Variants in DIAPH3 observed in about 807,000 individuals in gnomAD.
DIAPH3 encodes protein diaphanous homolog 3.
DIAPH3 carries 117 observed loss-of-function variants against 144.3 expected under a neutral mutation model. The observed-to-expected ratio is 0.81, with a 90% CI of 0.70 to 0.95. The LOEUF (loss-of-function observed/expected upper bound fraction) is 0.95, where lower values mean the gene tolerates loss of function less well. Ranked by LOEUF, DIAPH3 falls within the 40% of genes least tolerant of loss-of-function variation. The probability of loss-of-function intolerance (pLI) is 0.00; values close to 1 mark genes in which losing one functional copy is unlikely to be tolerated. For synonymous variants in DIAPH3, 519 were observed against 488.9 expected, an observed-to-expected ratio of 1.06 and a Z score of -0.81; for missense variants, 1,421 against 1,412.7, an observed-to-expected ratio of 1.01 and a Z score of -0.09.
rs200189161 is a variant in DIAPH3 at position 59,810,826 on chromosome 13, C to T, written c.3125G>A (p.Arg1042His). 2.0e-4 allele frequency: 315 copies of T among 1,613,536 alleles called. No homozygotes were observed. The highest frequency in any genetic ancestry group is 2.3e-4 in the Non-Finnish European group (273 of 1,179,904). The change falls in exon 25 of 28, where the codon CGC becomes CAC. Residue 1042 changes from arginine (R) to histidine (H), a missense_variant. Transcript: ENST00000400324. The part of the protein sequence containing the change: ...KELAERERLE[R>H]QQKKKRLLEM... ...TAATAAACGCTTTTTCTTTTGTTGG[C>T]GTTCGAGTCTTTCTCGCTCTGCTAA...
At chr13:60,090,646 T>TTTTCAATAGTCATTAATGTA (rs2057899161) in intron 4 of DIAPH3, among the ~76,000 whole-genome samples, 1 of 152,236 alleles carries the variant, frequency 6.6e-6, no homozygotes, top group African/African-American at 2.4e-5. Context: ...CAGAGTAGCT[T>TTTTCAATAGTCATTAATGTA]TTTCAATAGT....
chr13:60,032,429 A>G (rs1025670804), intron 5 of DIAPH3, among the ~76,000 whole-genome samples: 12 of 152,218 alleles, frequency 7.9e-5, no homozygotes, highest in African/African-American at 2.7e-4. Flanking sequence ...TATATCCTCT[A>G]AAATCTAGGC....
intron 27 of DIAPH3, among the ~76,000 whole-genome samples, chr13:59,724,105 A>T (rs985864428): frequency 1.3e-5 from 2 of 152,204 alleles, no homozygotes; most frequent in Non-Finnish European, 2.9e-5. Flanking sequence ...AAAATAAAAT[A>T]ATATAAAAAA....
At chr13:59,782,203 T>C (rs1374682029) in intron 25 of DIAPH3, among the ~76,000 whole-genome samples, 2 of 152,084 alleles carry the variant, frequency 1.3e-5, no homozygotes, top group Non-Finnish European at 2.9e-5. Context: ...ATAGTGCCAA[T>C]ATTATAAACA....
chr13:59,775,483 C>A (rs1273232631), intron 25 of DIAPH3, among the ~76,000 whole-genome samples: 1 of 152,172 alleles, frequency 6.6e-6, no homozygotes, highest in African/African-American at 2.4e-5. Context: ...ACCTCATGAT[C>A]TGCCCGCCTC....
At chr13:59,877,654 G>A (rs1392859920) in intron 21 of DIAPH3, among the ~76,000 whole-genome samples, 1 of 152,028 alleles carries the variant, frequency 6.6e-6, no homozygotes, top group African/African-American at 2.4e-5. Flanking sequence ...ATCTTGCTAC[G>A]AAACATCTGA....
chr13:59,879,964 T>C (rs2044899330), intron 20 of DIAPH3, among the ~76,000 whole-genome samples: 1 of 152,120 alleles, frequency 6.6e-6, no homozygotes, highest in South Asian at 2.1e-4. Context: ...GGAGAGTAAA[T>C]AGGTCCCAAT....
intron 22 of DIAPH3, among the ~76,000 whole-genome samples, chr13:59,843,616 AT>A (rs2042461621): frequency 6.6e-6 from 1 of 152,188 alleles, no homozygotes; most frequent in Non-Finnish European, 1.5e-5. Flanking sequence ...AAAAAATAAA[AT>A]GGTTCTTGAG....
intron 21 of DIAPH3, among the ~76,000 whole-genome samples, chr13:59,874,751 T>C (rs1406007158): frequency 6.6e-5 from 10 of 152,180 alleles, no homozygotes; most frequent in Admixed American, 6.5e-4. Flanking sequence ...AAATTAGTTA[T>C]TACACGTGGT....
chr13:59,973,550 A>G (rs1349782305), intron 15 of DIAPH3, among the ~76,000 whole-genome samples: 1 of 152,128 alleles, frequency 6.6e-6, no homozygotes, highest in African/African-American at 2.4e-5. Flanking sequence ...ATACTAACAG[A>G]TAGCTATCTC....
chr13:60,049,644 G>A (rs887650048), intron 4 of DIAPH3, among the ~76,000 whole-genome samples: 10 of 152,120 alleles, frequency 6.6e-5, no homozygotes, highest in African/African-American at 2.2e-4. Context: ...CTCTTACTCT[G>A]TATTAAAATA....
intron 5 of DIAPH3, among the ~76,000 whole-genome samples, chr13:60,041,753 A>G (rs2055684356): frequency 6.6e-6 from 1 of 152,162 alleles, no homozygotes; most frequent in African/African-American, 2.4e-5. Context: ...TTCTTACACA[A>G]TAAAAACCCA....
At chr13:59,774,120 C>T in intron 27 of DIAPH3, 69 bp downstream of exon 27, 1 of 1,482,812 alleles carries the variant, frequency 6.7e-7, no homozygotes, top group Non-Finnish European at 9.3e-7. Flanking sequence ...CAGCAGTCTA[C>T]TAAAATCACA....
chr13:60,069,168 A>G (rs1274050569), intron 4 of DIAPH3, among the ~76,000 whole-genome samples: 1 of 152,116 alleles, frequency 6.6e-6, no homozygotes, highest in Non-Finnish European at 1.5e-5. Context: ...CTTTTTAATA[A>G]CAGCCATTCC....
chr13:60,097,126 T>C (rs1020150979), intron 3 of DIAPH3, among the ~76,000 whole-genome samples: 6 of 152,164 alleles, frequency 3.9e-5, no homozygotes, highest in African/African-American at 1.2e-4. Context: ...TGCCTAAATA[T>C]GGCACTCGCC....
chr13:59,924,567 C>T (rs2047669619), intron 18 of DIAPH3, among the ~76,000 whole-genome samples: 1 of 150,968 alleles, frequency 6.6e-6, no homozygotes, highest in Admixed American at 6.6e-5. Flanking sequence ...ATTTTAAAAC[C>T]TCTTCTTATT....
chr13:59,943,080 T>C (rs2048618196), intron 17 of DIAPH3, among the ~76,000 whole-genome samples: 1 of 152,208 alleles, frequency 6.6e-6, no homozygotes, highest in East Asian at 1.9e-4. Flanking sequence ...CTCGTTCTCT[T>C]ATGAGAAAAG....
chr13:59,868,760 T>C (rs1003969575), intron 21 of DIAPH3, among the ~76,000 whole-genome samples: 1 of 152,134 alleles, frequency 6.6e-6, no homozygotes, highest in African/African-American at 2.4e-5. Context: ...CAACCACTGA[T>C]GTTTTATTGT....
intron 21 of DIAPH3, among the ~76,000 whole-genome samples, chr13:59,875,392 A>T (rs2044550769): frequency 6.6e-6 from 1 of 152,130 alleles, no homozygotes; most frequent in African/African-American, 2.4e-5. Context: ...ACTAAACTAG[A>T]AGTAGCATTA....
Sources: allele counts gnomAD v4.1 joint callset (sites outside exome capture counted in the v4.1 genomes callset), GRCh38; gene constraint gnomAD v4.1.1; transcripts MANE v1.5; gene names NCBI Gene and HGNC (gene_info 2026-07-23, HGNC 2026-07-21).